Variants in ANO4 observed in about 807,000 individuals in gnomAD.
ANO4 encodes anoctamin-4.
Under a neutral mutation model 141.9 loss-of-function variants are expected in ANO4, and 69 were observed. That is an observed-to-expected ratio of 0.49 (90% CI 0.40 to 0.59). ANO4 has a LOEUF of 0.59. Among genes scored for constraint, ANO4 ranks in the 20% least tolerant of loss-of-function variants. ANO4 has a pLI of 0.00. For synonymous variants in ANO4, 350 were observed against 394.3 expected (o/e 0.89, Z 1.33); for missense variants, 894 against 1,162.2 (o/e 0.77, Z 3.36).
chr12:100,929,636 G>T (rs2042010217), intron 3 of ANO4, among the ~76,000 whole-genome samples: 1 of 152,076 alleles, frequency 6.6e-6, no homozygotes, highest in Non-Finnish European at 1.5e-5. Flanking sequence ...CCCCTAAGCA[G>T]AATTGCTGGA....
chr12:100,982,216 G>A (rs2044498119), intron 7 of ANO4, among the ~76,000 whole-genome samples: 1 of 152,114 alleles, frequency 6.6e-6, no homozygotes, highest in Admixed American at 6.5e-5. Flanking sequence ...GAGGGCTTTT[G>A]CTCAGTAAAT....
chr12:100,828,823 G>C (rs1240098663), intron 1 of ANO4, among the ~76,000 whole-genome samples: 2 of 151,942 alleles, frequency 1.3e-5, no homozygotes, highest in Non-Finnish European at 2.9e-5. Context: ...TTTGAGACCA[G>C]CCTGGCCAAC....
intron 2 of ANO4, among the ~76,000 whole-genome samples, chr12:100,902,462 T>C (rs1443825492): frequency 6.6e-6 from 1 of 152,246 alleles, no homozygotes; most frequent in East Asian, 1.9e-4. Context: ...AGCTACATGC[T>C]AGGCATTGTT....
chr12:101,091,375 C>T (rs908397785), intron 17 of ANO4, among the ~76,000 whole-genome samples: 4 of 152,190 alleles, frequency 2.6e-5, no homozygotes, highest in African/African-American at 9.6e-5. Context: ...CTCATCCCCG[C>T]ACACACATTT....
At chr12:100,956,314 A>T (rs2043173443) in intron 5 of ANO4, among the ~76,000 whole-genome samples, 1 of 152,230 alleles carries the variant, frequency 6.6e-6, no homozygotes, top group Admixed American at 6.5e-5. Context: ...TGCTCACTAG[A>T]GTACTTTGTT....
chr12:100,736,672 G>A (rs959421679), intron 2 of ANO4, among the ~76,000 whole-genome samples: 3 of 152,212 alleles, frequency 2.0e-5, no homozygotes, highest in Non-Finnish European at 2.9e-5. Flanking sequence ...CTTTGCAGGT[G>A]TAGTTAAGTT....
At chr12:100,819,816 G>A (rs1212486068) in intron 1 of ANO4, among the ~76,000 whole-genome samples, 1 of 151,872 alleles carries the variant, frequency 6.6e-6, no homozygotes, top group Non-Finnish European at 1.5e-5. Context: ...GAGAAACTGA[G>A]TAAGTTCCTC....
intron 3 of ANO4, among the ~76,000 whole-genome samples, chr12:100,787,792 T>A (rs2135598775): frequency 6.6e-6 from 1 of 152,316 alleles, no homozygotes; most frequent in Non-Finnish European, 1.5e-5. Context: ...TTGATAAATG[T>A]CATTTTCTTT....
intron 1 of ANO4, among the ~76,000 whole-genome samples, chr12:100,887,984 T>C (rs1446980500): frequency 1.3e-5 from 2 of 152,186 alleles, no homozygotes; most frequent in Non-Finnish European, 2.9e-5. Context: ...ATCTGCTTCC[T>C]AAGTATTTCC....
At chr12:100,827,283 C>T (rs994359216) in intron 1 of ANO4, among the ~76,000 whole-genome samples, 3 of 151,930 alleles carry the variant, frequency 2.0e-5, no homozygotes, top group South Asian at 4.1e-4. Context: ...TTTGTACTCG[C>T]GATTCCCTGT....
At chr12:101,006,427 A>G (rs1402983485) in intron 8 of ANO4, among the ~76,000 whole-genome samples, 1 of 152,234 alleles carries the variant, frequency 6.6e-6, no homozygotes, top group Non-Finnish European at 1.5e-5. Flanking sequence ...GACCTGTCCT[A>G]TTGGACATGC....
chr12:101,121,092 A>T (rs1415575679), intron 26 of ANO4, among the ~76,000 whole-genome samples: 1 of 152,100 alleles, frequency 6.6e-6, no homozygotes, highest in Non-Finnish European at 1.5e-5. Context: ...TTTATTTTAG[A>T]TACAGTGGGT....
intron 1 of ANO4, among the ~76,000 whole-genome samples, chr12:100,879,833 G>T (rs1250445453): frequency 2.0e-5 from 3 of 152,116 alleles, no homozygotes; most frequent in Admixed American, 2.0e-4. Flanking sequence ...AGTTTTATTT[G>T]TATAGGCAAT....
At chr12:101,049,445 T>A (rs1420594852) in intron 14 of ANO4, among the ~76,000 whole-genome samples, 1 of 152,102 alleles carries the variant, frequency 6.6e-6, no homozygotes, top group African/African-American at 2.4e-5. Flanking sequence ...CTAGTAGATT[T>A]ATGGTCCTTG....
At chr12:100,844,035 G>A (rs1593494562) in intron 1 of ANO4, among the ~76,000 whole-genome samples, 1 of 152,024 alleles carries the variant, frequency 6.6e-6, no homozygotes, top group African/African-American at 2.4e-5. Flanking sequence ...TATTTATTGA[G>A]TATCCACTGT....
rs138063019 is a variant in ANO4 at position 101,086,743 on chromosome 12, G to A, written c.1620G>A (p.Ala540=). The change falls in exon 17 of 28, where the codon GCG becomes GCA. Residue 540 remains alanine (A), a synonymous_variant. Coordinates refer to ENST00000392977, the MANE Select transcript of ANO4 (RefSeq NM_001286615.2). ...GCACTTTCGCTGCCTTTAAGTGGGCGTTAATCAGGAATAACTCTCAGGTTG... is the reference window on the plus strand; with the variant it reads ...GCACTTTCGCTGCCTTTAAGTGGGCATTAATCAGGAATAACTCTCAGGTTG... ...TVSTFAAFKW[A]LIRNNSQVAT... 6.9e-4 allele frequency: 1,112 copies of A among 1,613,728 alleles called. No homozygotes were observed. The highest frequency in any genetic ancestry group is 8.6e-4 in the Non-Finnish European group (1,010 of 1,179,826).
At position 100,944,751 on chromosome 12, in the gene ANO4, G is replaced by T. The variant is rs1592793851; in HGVS notation, c.456+2216G>T. On this transcript the variant is annotated intron_variant, in intron 5 of 27. Coordinates refer to ENST00000392977, the MANE Select transcript of ANO4 (RefSeq NM_001286615.2). ...CTCAGCAAGAAAAGGGCCTTTGCAG[G>T]TTCTCTTATAGATAAATTAATTTTT... is the stretch of plus-strand genomic sequence containing the variant. Among the ~76,000 whole-genome samples the T allele has an allele frequency of 3.9e-5, 6 of 152,106 alleles. No individual in the cohort carries two copies. The South Asian group carries it at 1.0e-3, about 26-fold the overall frequency.
chr12:100,746,564 T>A (rs1390597194), intron 3 of ANO4, among the ~76,000 whole-genome samples: 2 of 152,338 alleles, frequency 1.3e-5, no homozygotes, highest in South Asian at 2.1e-4. Context: ...AGGGATGATG[T>A]TGTTTCACAG....
At chr12:101,103,223 A>C (rs1425318998) in intron 22 of ANO4, among the ~76,000 whole-genome samples, 9 of 112,632 alleles carry the variant, frequency 8.0e-5, no homozygotes, top group African/African-American at 2.5e-4. Flanking sequence ...ATATATATAT[A>C]TATATATCTT....
Sources: gnomAD v4.1 joint callset for allele counts (sites outside exome capture counted in the v4.1 genomes callset) on GRCh38, gnomAD v4.1.1 for gene constraint, MANE v1.5 for transcripts, NCBI Gene and HGNC (gene_info 2026-07-23, HGNC 2026-07-21) for gene names.